TNKS: variants seen among roughly 807,000 people sequenced by gnomAD.
The protein encoded by TNKS is poly [ADP-ribose] polymerase tankyrase-1.
Under a neutral mutation model 135.8 loss-of-function variants are expected in TNKS, and 72 were observed. That is an observed-to-expected ratio of 0.53 (90% confidence interval 0.44 to 0.64). The LOEUF is 0.64. TNKS is among the 30% of genes least tolerant of loss of function. The probability of loss-of-function intolerance (pLI) is 0.00; values close to 1 mark genes in which losing one functional copy is unlikely to be tolerated. For synonymous variants in TNKS, 849 were observed against 649.3 expected, an observed-to-expected ratio of 1.31 and a Z score of -4.68; for missense variants, 1,769 against 1,674.0, an observed-to-expected ratio of 1.06 and a Z score of -0.99.
At chr8:9,633,009 A>G (rs1206378390) in intron 3 of TNKS, among the ~76,000 whole-genome samples, 2 of 152,190 alleles carry the variant, frequency 1.3e-5, no homozygotes, top group South Asian at 2.1e-4. Flanking sequence ...AATTACAGGC[A>G]TGAGCCACCG....
intron 18 of TNKS, among the ~76,000 whole-genome samples, chr8:9,749,972 T>C (rs1806435556): frequency 6.6e-6 from 1 of 152,190 alleles, no homozygotes. Context: ...TTGTAAACTT[T>C]TGGATTTCCC....
In TNKS at chr8:9,728,146, TAAAC is replaced by T. The variant is rs971744249; in HGVS notation, c.2001+1429_2001+1432del. On this transcript the variant is annotated intron_variant, in intron 13 of 26. Transcript: ENST00000310430. ...TGTATACTACAGCTTTTAGGTTTCTTAAACAATCCATTCACAGTGAAGGCCTAAT... is the reference window on the plus strand; with the variant it reads ...TGTATACTACAGCTTTTAGGTTTCTTAATCCATTCACAGTGAAGGCCTAAT... 9.7e-4 allele frequency among the ~76,000 whole-genome samples: 147 copies of T among 152,310 alleles called. 2 individuals are homozygous for T. The highest frequency in any genetic ancestry group is 3.2e-3 in the African/African-American group (133 of 41,578).
At chr8:9,776,183 G>A (rs1282984569) in intron 26 of TNKS, among the ~76,000 whole-genome samples, 1 of 152,092 alleles carries the variant, frequency 6.6e-6, no homozygotes, top group Non-Finnish European at 1.5e-5. Flanking sequence ...CTGGGTTATT[G>A]GTGACTCAGT....
At chr8:9,713,987 C>T (rs1804464475) in intron 11 of TNKS, among the ~76,000 whole-genome samples, 1 of 152,202 alleles carries the variant, frequency 6.6e-6, no homozygotes. Context: ...TCTTCCACTG[C>T]TTCTAGCACC....
At chr8:9,598,799 A>G (rs192464002) in intron 2 of TNKS, among the ~76,000 whole-genome samples, 5 of 88,514 alleles carry the variant, frequency 5.6e-5, no homozygotes, top group East Asian at 3.7e-4. Flanking sequence ...ATATATATAT[A>G]TATATATATA....
chr8:9,634,920 G>A (rs1800450801), intron 3 of TNKS, among the ~76,000 whole-genome samples: 2 of 152,162 alleles, frequency 1.3e-5, no homozygotes, highest in African/African-American at 4.8e-5. Context: ...GCTCACTCCT[G>A]TAATCCCGGC....
At chr8:9,766,492 T>C in intron 25 of TNKS, 67 bp downstream of exon 25, 1 of 1,389,628 alleles carries the variant, frequency 7.2e-7, no homozygotes, top group Non-Finnish European at 9.5e-7. Flanking sequence ...TCTTTTTTTT[T>C]TTTTTTTTTT....
chr8:9,729,849 C>G (rs1006601773), intron 13 of TNKS, among the ~76,000 whole-genome samples: 2 of 143,718 alleles, frequency 1.4e-5, no homozygotes, highest in Non-Finnish European at 3.0e-5. Flanking sequence ...TTTCGGCTCA[C>G]TGCAACCTCT....
At chr8:9,775,574 G>A (rs761389837) in intron 26 of TNKS, among the ~76,000 whole-genome samples, 115 of 146,400 alleles carry the variant, frequency 7.9e-4, no homozygotes, top group Non-Finnish European at 1.1e-3. Flanking sequence ...TTAGGAGGGA[G>A]TACTCTCTAA....
chr8:9,661,333 A>C (rs188777640), intron 3 of TNKS, among the ~76,000 whole-genome samples: 1 of 152,228 alleles, frequency 6.6e-6, no homozygotes, highest in Non-Finnish European at 1.5e-5. Context: ...ACTTCAAACT[A>C]TACTACAAGG....
intron 13 of TNKS, among the ~76,000 whole-genome samples, chr8:9,729,842 C>T (rs1356275801): frequency 4.3e-5 from 5 of 116,824 alleles, no homozygotes; most frequent in South Asian, 2.9e-4. Context: ...AGCGTGATTT[C>T]GGCTCACTGC....
chr8:9,596,882 C>A (rs905285606), intron 2 of TNKS, among the ~76,000 whole-genome samples: 3 of 152,214 alleles, frequency 2.0e-5, no homozygotes, highest in Non-Finnish European at 2.9e-5. Context: ...TCTAGTGGGT[C>A]CCCTAAAATG....
chr8:9,628,897 T>A (rs1800173510), intron 3 of TNKS, among the ~76,000 whole-genome samples: 1 of 152,152 alleles, frequency 6.6e-6, no homozygotes, highest in Non-Finnish European at 1.5e-5. Flanking sequence ...TCTTTCCCTC[T>A]CGGGAAATAT....
At chr8:9,560,324 A>G (rs1339503152) in intron 1 of TNKS, among the ~76,000 whole-genome samples, 1 of 151,970 alleles carries the variant, frequency 6.6e-6, no homozygotes, top group Non-Finnish European at 1.5e-5. Context: ...TAGTTAACAT[A>G]TACGACTTGG....
At chr8:9,650,505 G>A (rs1801106065) in intron 3 of TNKS, among the ~76,000 whole-genome samples, 1 of 151,924 alleles carries the variant, frequency 6.6e-6, no homozygotes, top group African/African-American at 2.4e-5. Flanking sequence ...CTTAATTATG[G>A]CCATACTTGC....
chr8:9,743,004 C>T (rs1463228374), intron 17 of TNKS, among the ~76,000 whole-genome samples: 6 of 152,014 alleles, frequency 3.9e-5, no homozygotes, highest in African/African-American at 1.4e-4. Context: ...TTCTATCCTG[C>T]CTTGGCTGGA....
Position 9,662,806 on chromosome 8 carries a change from A to T in TNKS, c.995-17145A>T, listed in dbSNP as rs527837958. 9.2e-5 allele frequency among the ~76,000 whole-genome samples: 14 copies of T among 152,332 alleles called. No individual in the cohort carries two copies. The South Asian group carries it at 2.9e-3, about 32-fold the overall frequency. ...ATTCAATGAAAGAGCAGTATTTGAG[A>T]GGCATCATTCACTGTTGTTAAAAAT... is the stretch of plus-strand genomic sequence containing the variant. On this transcript the variant is annotated intron_variant, in intron 3 of 26. Coordinates refer to ENST00000310430, the MANE Select transcript of TNKS (RefSeq NM_003747.3).
chr8:9,577,528 G>T (rs1392450059), intron 1 of TNKS, among the ~76,000 whole-genome samples: 1 of 152,114 alleles, frequency 6.6e-6, no homozygotes. Context: ...GTCTTATATG[G>T]TCAGGGAAGG....
chr8:9,693,135 A>C (rs181157197), intron 5 of TNKS, among the ~76,000 whole-genome samples: 9 of 152,346 alleles, frequency 5.9e-5, no homozygotes, highest in Non-Finnish European at 1.0e-4. Context: ...ATTGATCTTA[A>C]CCAAATGATA....
Sources: gnomAD v4.1 joint callset for allele counts (sites outside exome capture counted in the v4.1 genomes callset) on GRCh38, gnomAD v4.1.1 for gene constraint, MANE v1.5 for transcripts, NCBI Gene and HGNC (gene_info 2026-07-23, HGNC 2026-07-21) for gene names.